NBAS: variants seen among roughly 807,000 people sequenced by gnomAD.
The protein encoded by NBAS is NBAS subunit of NRZ tethering complex.
Under a neutral mutation model 302.5 loss-of-function variants are expected in NBAS, and 219 were observed. That is an observed-to-expected ratio of 0.72 (90% CI 0.65 to 0.81). NBAS has a LOEUF of 0.81. Among genes scored for constraint, NBAS ranks in the 30% least tolerant of loss-of-function variants. NBAS has a pLI of 0.00. For missense variants in NBAS, 2,932 were observed against 2,841.6 expected (o/e 1.03, Z -0.72); for synonymous variants, 1,118 against 1,021.6 (o/e 1.09, Z -1.80).
intron 49 of NBAS, among the ~76,000 whole-genome samples, chr2:15,187,912 A>G (rs991290425): frequency 6.6e-6 from 1 of 152,196 alleles, no homozygotes; most frequent in African/African-American, 2.4e-5. Context: ...TGTGCGAACA[A>G]AGAACACTGC....
At chr2:15,369,680 T>C (rs1418499176) in intron 31 of NBAS, among the ~76,000 whole-genome samples, 1 of 152,196 alleles carries the variant, frequency 6.6e-6, no homozygotes, top group African/African-American at 2.4e-5. Context: ...AAAATTCCTT[T>C]CCAAATTGAA....
the NBAS span, among the ~76,000 whole-genome samples, chr2:14,968,417 G>A: frequency 6.7e-6 from 1 of 150,204 alleles, no homozygotes; most frequent in South Asian, 2.1e-4. Context: ...TTTTTTGTTT[G>A]GTTGGCTTTG....
At chr2:14,998,454 T>G in the NBAS span, among the ~76,000 whole-genome samples, 1 of 152,176 alleles carries the variant, frequency 6.6e-6, no homozygotes, top group South Asian at 2.1e-4. Context: ...AGGAGTCAGC[T>G]GCTTTGTCCT....
At chr2:15,145,443 C>T in the NBAS span, among the ~76,000 whole-genome samples, 1 of 149,700 alleles carries the variant, frequency 6.7e-6, no homozygotes, top group South Asian at 2.1e-4. Flanking sequence ...GTCTTCATGC[C>T]TAGTGTATGG....
chr2:14,800,893 G>A, the NBAS span, among the ~76,000 whole-genome samples: 1 of 144,868 alleles, frequency 6.9e-6, no homozygotes, highest in Non-Finnish European at 1.5e-5. Flanking sequence ...TTTCCTTTGT[G>A]TGAAAAGTAT....
the NBAS span, among the ~76,000 whole-genome samples, chr2:15,031,649 T>C: frequency 0.8 from 122,367 of 152,228 alleles, 49,714 homozygotes; most frequent in East Asian, 1. Context: ...TTCGGAACCA[T>C]GAAGAGAGCT....
the NBAS span, among the ~76,000 whole-genome samples, chr2:15,073,836 T>C: frequency 5.9e-5 from 9 of 152,238 alleles, no homozygotes; most frequent in African/African-American, 2.2e-4. Context: ...TGTGTTTTGA[T>C]ATATCATCGT....
At chr2:15,270,857 A>T (rs547600652) in intron 44 of NBAS, among the ~76,000 whole-genome samples, 3 of 152,336 alleles carry the variant, frequency 2.0e-5, no homozygotes, top group East Asian at 3.9e-4. Flanking sequence ...GCAAATGCCT[A>T]AATACTTCAT....
chr2:15,478,557 T>C (rs1680290892), intron 12 of NBAS, among the ~76,000 whole-genome samples: 1 of 152,178 alleles, frequency 6.6e-6, no homozygotes, highest in South Asian at 2.1e-4. Flanking sequence ...AATCAATACA[T>C]ATGAAAGCAA....
At chr2:15,440,478 G>T (rs936346472) in intron 21 of NBAS, among the ~76,000 whole-genome samples, 4 of 152,150 alleles carry the variant, frequency 2.6e-5, no homozygotes, top group African/African-American at 7.2e-5. Context: ...CTAACAAACA[G>T]AAAGGACATC....
chr2:15,377,030 T>C (rs1674776423), intron 30 of NBAS, among the ~76,000 whole-genome samples: 1 of 152,122 alleles, frequency 6.6e-6, no homozygotes, highest in Non-Finnish European at 1.5e-5. Flanking sequence ...TTAAAGGTCT[T>C]TCAAAGGATG....
the NBAS span, among the ~76,000 whole-genome samples, chr2:15,067,159 C>CAAAAAAAA: frequency 7.5e-5 from 7 of 93,340 alleles, no homozygotes; most frequent in African/African-American, 1.0e-4. Context: ...CTTATCTCCA[C>CAAAAAAAA]AAAAAAAAAA....
chr2:15,386,632 T>A (rs1381663040), intron 28 of NBAS, among the ~76,000 whole-genome samples: 1 of 152,144 alleles, frequency 6.6e-6, no homozygotes, highest in Non-Finnish European at 1.5e-5. Context: ...GATCTTCATG[T>A]CCACCTTCAT....
chr2:15,124,353 G>A, the NBAS span, among the ~76,000 whole-genome samples: 1 of 152,212 alleles, frequency 6.6e-6, no homozygotes, highest in Admixed American at 6.5e-5. Context: ...AGAGGAGGGA[G>A]CAAAAGAATA....
intron 31 of NBAS, among the ~76,000 whole-genome samples, chr2:15,368,026 T>C (rs1008822075): frequency 6.6e-6 from 1 of 152,102 alleles, no homozygotes; most frequent in African/African-American, 2.4e-5. Flanking sequence ...ATACACATAT[T>C]TATAATACAC....
chr2:15,311,164 C>A (rs887380611), intron 38 of NBAS, among the ~76,000 whole-genome samples: 2 of 152,174 alleles, frequency 1.3e-5, no homozygotes, highest in Admixed American at 1.3e-4. Context: ...TAATCAAAGA[C>A]ATTAATATAT....
chr2:15,423,637 G>A (rs1380289602), intron 23 of NBAS, among the ~76,000 whole-genome samples: 1 of 152,152 alleles, frequency 6.6e-6, no homozygotes, highest in East Asian at 1.9e-4. Context: ...TGGTAGGACA[G>A]GCAGTAAAAA....
chr2:15,475,603 A>G, intron 14 of NBAS, 84 bp downstream of exon 14: 4 of 1,302,062 alleles, frequency 3.1e-6, no homozygotes, highest in Non-Finnish European at 4.3e-6. Context: ...AGAAAAGATA[A>G]TAAGACAACT....
intron 9 of NBAS, 23 bp from the exon 10 acceptor site, chr2:15,511,373 A>G (rs1337370389): frequency 6.2e-7 from 1 of 1,607,654 alleles, no homozygotes; most frequent in Admixed American, 1.7e-5. Context: ...AAATTTTTAA[A>G]AATCGATAAA....
Sources: allele counts gnomAD v4.1 joint callset (sites outside exome capture counted in the v4.1 genomes callset), GRCh38; gene constraint gnomAD v4.1.1; transcripts MANE v1.5; gene names NCBI Gene and HGNC (gene_info 2026-07-23, HGNC 2026-07-21).